OR3A2: variants seen among roughly 807,000 people sequenced by gnomAD.
OR3A2 encodes the protein olfactory receptor family 3 subfamily A member 2.
For missense variants in OR3A2, 318 were observed against 392.8 expected (o/e 0.81, Z 1.61); for synonymous variants, 126 against 159.3 (o/e 0.79, Z 1.57).
intron 2 of OR3A2, among the ~76,000 whole-genome samples, chr17:3,364,718 T>C (rs1240122709): frequency 6.6e-6 from 1 of 152,218 alleles, no homozygotes; most frequent in Non-Finnish European, 1.5e-5. Flanking sequence ...AATTACCATA[T>C]GATCCAGCAA....
intron 2 of OR3A2, among the ~76,000 whole-genome samples, chr17:3,342,963 T>C (rs1567561734): frequency 6.6e-6 from 1 of 152,212 alleles, no homozygotes; most frequent in Non-Finnish European, 1.5e-5. Flanking sequence ...TCAGCAATGG[T>C]GGACGCCCCT....
chr17:3,332,845 T>C (rs1451961257), intron 3 of OR3A2, among the ~76,000 whole-genome samples: 1 of 152,240 alleles, frequency 6.6e-6, no homozygotes, highest in Non-Finnish European at 1.5e-5. Flanking sequence ...CTCTTAACTC[T>C]GTTATCTTTG....
chr17:3,337,557 G>A (rs1265657850), intron 2 of OR3A2, among the ~76,000 whole-genome samples: 1 of 152,136 alleles, frequency 6.6e-6, no homozygotes, highest in Non-Finnish European at 1.5e-5. Flanking sequence ...AGTTTACTGA[G>A]AATGACGGTT....
intron 2 of OR3A2, among the ~76,000 whole-genome samples, chr17:3,374,091 G>C (rs1292922572): frequency 1.3e-5 from 2 of 152,198 alleles, no homozygotes; most frequent in Non-Finnish European, 2.9e-5. Context: ...ATTCTTGGCT[G>C]ATAATTTTGT....
intron 3 of OR3A2, among the ~76,000 whole-genome samples, chr17:3,308,579 C>T (rs781603304): frequency 1.2e-4 from 18 of 152,060 alleles, no homozygotes; most frequent in South Asian, 4.1e-4. Context: ...GCGCTACTCA[C>T]GGGGAGGATG....
intron 2 of OR3A2, among the ~76,000 whole-genome samples, chr17:3,339,463 T>C (rs1179237273): frequency 1.3e-5 from 2 of 152,224 alleles, no homozygotes; most frequent in Non-Finnish European, 2.9e-5. Flanking sequence ...AGTACCTAGC[T>C]TATTGAGTTT....
At chr17:3,332,877 C>T (rs1037366623) in intron 3 of OR3A2, among the ~76,000 whole-genome samples, 1 of 152,182 alleles carries the variant, frequency 6.6e-6, no homozygotes, top group Non-Finnish European at 1.5e-5. Context: ...TGTACGTCAC[C>T]TCAGGACCAC....
chr17:3,321,287 A>ATG (rs2049119722), intron 3 of OR3A2, among the ~76,000 whole-genome samples: 2 of 152,024 alleles, frequency 1.3e-5, no homozygotes, highest in Admixed American at 1.3e-4. Context: ...GGGCTGAGAC[A>ATG]ATGGAGTTTT....
chr17:3,298,535 G>A (rs957282058), intron 3 of OR3A2, among the ~76,000 whole-genome samples: 4 of 152,132 alleles, frequency 2.6e-5, no homozygotes, highest in Non-Finnish European at 5.9e-5. Flanking sequence ...TAGGAAGGAC[G>A]GGCATTGGCA....
chr17:3,330,233 T>C (rs998450134), intron 3 of OR3A2, among the ~76,000 whole-genome samples: 1 of 151,850 alleles, frequency 6.6e-6, no homozygotes, highest in East Asian at 1.9e-4. Flanking sequence ...TAGGTTGGCT[T>C]GGTGCAGAGC....
chr17:3,331,052 C>T (rs2049228109), intron 3 of OR3A2, among the ~76,000 whole-genome samples: 1 of 152,196 alleles, frequency 6.6e-6, no homozygotes, highest in Non-Finnish European at 1.5e-5. Flanking sequence ...CCACTCTCTT[C>T]TGGCTTGTAG....
chr17:3,360,163 G>C (rs2150658751), intron 2 of OR3A2, among the ~76,000 whole-genome samples: 1 of 151,916 alleles, frequency 6.6e-6, no homozygotes, highest in South Asian at 2.1e-4. Flanking sequence ...GCATTTCTCT[G>C]ATGGCCAGTG....
Position 3,278,211 on chromosome 17 carries a change from C to G in OR3A2, c.707G>C (p.Gly236Ala), listed in dbSNP as rs768064346. The G allele has an allele frequency of 1.2e-5, 19 of 1,614,108 alleles. No homozygotes were observed. In the Admixed American group the frequency reaches 3.0e-4, roughly 25 times the overall value. ...ACACGTGGAGAAGGCCTTCTTTCGG[C>G]CCTCCACTGAACGGATTCGTAGAAC... Residue 236 changes from glycine (G) to alanine (A), a missense_variant, in exon 2 of 2, where the codon GGC (glycine) becomes GCC (alanine). Physicochemically the swap from Gly to Ala is moderately conservative, Grantham distance 60. Coordinates refer to ENST00000642052, the Ensembl canonical transcript of OR3A2.
rs200435984 is a variant in OR3A2, at chr17:3,278,189, C to A, written c.729G>T (p.Thr243=). ...AAACCACGGTGAGGTGGGAGCCACA[C>A]GTGGAGAAGGCCTTCTTTCGGCCCT... Residue 243 remains threonine, a synonymous_variant, in exon 2 of 2, where the codon ACG becomes ACT. Coordinates refer to ENST00000642052, the Ensembl canonical transcript of OR3A2. 3 of 1,614,216 alleles carry A rather than the reference C, an allele frequency of 1.9e-6. No individual in the cohort carries two copies. The East Asian group carries it at 6.7e-5, about 36-fold the overall frequency.
intron 2 of OR3A2, among the ~76,000 whole-genome samples, chr17:3,379,854 C>T (rs1305091798): frequency 6.6e-6 from 1 of 152,188 alleles, no homozygotes; most frequent in Non-Finnish European, 1.5e-5. Context: ...CAGCCAGTCA[C>T]CACACTGAGA....
intron 2 of OR3A2, among the ~76,000 whole-genome samples, chr17:3,365,539 C>T (rs2049555218): frequency 6.6e-6 from 1 of 152,276 alleles, no homozygotes; most frequent in Non-Finnish European, 1.5e-5. Flanking sequence ...TGGATTAACA[C>T]AACACAGCTT....
intron 3 of OR3A2, among the ~76,000 whole-genome samples, chr17:3,324,146 G>A (rs927751700): frequency 2.6e-5 from 4 of 151,742 alleles, no homozygotes; most frequent in African/African-American, 9.7e-5. Flanking sequence ...CCAGTTGATC[G>A]CATCGGCTAC....
chr17:3,374,802 C>CTCA (rs1190741451), intron 2 of OR3A2, among the ~76,000 whole-genome samples: 1 of 152,120 alleles, frequency 6.6e-6, no homozygotes, highest in Non-Finnish European at 1.5e-5. Flanking sequence ...TTGTGGTGCA[C>CTCA]TCATCACTCA....
chr17:3,322,857 G>T (rs2049136657), intron 3 of OR3A2, among the ~76,000 whole-genome samples: 1 of 152,116 alleles, frequency 6.6e-6, no homozygotes, highest in African/African-American at 2.4e-5. Flanking sequence ...TGTTGATTTG[G>T]GGTGGAGAGT....
Sources: gnomAD v4.1 joint callset for allele counts (sites outside exome capture counted in the v4.1 genomes callset) on GRCh38, gnomAD v4.1.1 for gene constraint, MANE v1.5 for transcripts, NCBI Gene and HGNC (gene_info 2026-07-23, HGNC 2026-07-21) for gene names.